The following ELMO1 variants were observed in gnomAD, a reference collection of about 807,000 sequenced individuals.
The protein encoded by ELMO1 is engulfment and cell motility protein 1.
In ELMO1, 26 loss-of-function variants were observed where a neutral mutation model predicts 98.9. The observed-to-expected ratio is 0.26, with a 90% confidence interval of 0.19 to 0.36. ELMO1 has a LOEUF of 0.36. Among genes scored for constraint, ELMO1 ranks in the 10% least tolerant of loss-of-function variants. ELMO1 has a pLI of 1.00. For missense variants in ELMO1, 627 were observed against 935.2 expected (o/e 0.67, Z 4.30); for synonymous variants, 346 against 346.0 (o/e 1.00, Z 0.00).
chr7:36,914,686 G>A (rs1007976335), intron 16 of ELMO1, among the ~76,000 whole-genome samples: 1 of 152,006 alleles, frequency 6.6e-6, no homozygotes, highest in East Asian at 1.9e-4. Context: ...GCTAATTTTT[G>A]TATTTTTAGT....
chr7:37,412,110 A>G (rs1647801), intron 1 of ELMO1, among the ~76,000 whole-genome samples: 36,978 of 152,232 alleles, frequency 0.24, 5,094 homozygotes, highest in Non-Finnish European at 0.32. Context: ...ACACATCATC[A>G]TTCAAACTAT....
chr7:36,896,039 A>C (rs1805971723), intron 16 of ELMO1, among the ~76,000 whole-genome samples: 1 of 152,212 alleles, frequency 6.6e-6, no homozygotes, highest in African/African-American at 2.4e-5. Context: ...GGATATCAGG[A>C]TTGTAAACAC....
chr7:37,310,391 T>G (rs1049695795), intron 4 of ELMO1, among the ~76,000 whole-genome samples: 2 of 152,080 alleles, frequency 1.3e-5, no homozygotes, highest in African/African-American at 4.8e-5. Flanking sequence ...CATACATGCT[T>G]AGGATTAGGG....
At chr7:36,985,060 A>G in intron 16 of ELMO1, 1 of 985,302 alleles carries the variant, frequency 1.0e-6, no homozygotes, top group Non-Finnish European at 1.2e-6. Flanking sequence ...CTGCCCCTCC[A>G]TTGCCTGTTT....
intron 6 of ELMO1, among the ~76,000 whole-genome samples, chr7:37,247,895 A>ATGTGTGTGTGAGTGTGTGTG (rs142333290): frequency 3.8e-4 from 55 of 146,644 alleles, no homozygotes; most frequent in African/African-American, 1.3e-3. Context: ...TTGAAATAAA[A>ATGTGTGTGTGAGTGTGTGTG]TGTGTGTGTG....
chr7:37,175,406 CAG>C (rs565437055), intron 13 of ELMO1, among the ~76,000 whole-genome samples: 231 of 152,328 alleles, frequency 1.5e-3, no homozygotes, highest in African/African-American at 5.1e-3. Context: ...TGTCAGGCTG[CAG>C]AGTCAGTCCT....
At chr7:37,163,747 T>C (rs999615022) in intron 13 of ELMO1, among the ~76,000 whole-genome samples, 1 of 152,228 alleles carries the variant, frequency 6.6e-6, no homozygotes, top group African/African-American at 2.4e-5. Context: ...TTGTTGGACA[T>C]TTGGGTTGGT....
intron 1 of ELMO1, among the ~76,000 whole-genome samples, chr7:37,412,654 G>A (rs978128707): frequency 1.3e-5 from 2 of 151,984 alleles, no homozygotes; most frequent in African/African-American, 2.4e-5. Context: ...CCCCTTAAAA[G>A]GTGAACCCTC....
chr7:36,911,332 T>C (rs1337804000), intron 16 of ELMO1, among the ~76,000 whole-genome samples: 1 of 151,798 alleles, frequency 6.6e-6, no homozygotes, highest in African/African-American at 2.4e-5. Flanking sequence ...CATGACACAG[T>C]AGGTGAATGA....
intron 1 of ELMO1, chr7:37,343,131 T>C (rs1394131505): frequency 6.2e-6 from 1 of 160,038 alleles, no homozygotes; most frequent in Non-Finnish European, 1.4e-5. Flanking sequence ...TATAAACGTC[T>C]GGCACTCAAC....
chr7:37,040,463 A>G (rs2129194325), intron 15 of ELMO1, among the ~76,000 whole-genome samples: 1 of 152,294 alleles, frequency 6.6e-6, no homozygotes, highest in East Asian at 1.9e-4. Context: ...ACATTAACTG[A>G]TACAGGAATG....
intron 13 of ELMO1, among the ~76,000 whole-genome samples, chr7:37,205,467 AC>A (rs1481887903): frequency 6.6e-6 from 1 of 152,236 alleles, no homozygotes; most frequent in Admixed American, 6.5e-5. Context: ...ACAAAGCTTA[AC>A]AAACCCATAT....
Position 36,855,344 on chromosome 7 carries a change from T to A in ELMO1, c.*207A>T. Reference sequence around the variant, plus strand: ...AGCCATGGGAAGTGACCTGAAGCAGTGGAGCCGAGGAACAGAATCAGGGCG... The same window carrying A: ...AGCCATGGGAAGTGACCTGAAGCAGAGGAGCCGAGGAACAGAATCAGGGCG... On this transcript the variant is annotated 3_prime_UTR_variant, in exon 22 of 22. Transcript: ENST00000310758. The surrounding 1 kb of genome is among the most constrained non-coding windows in gnomAD (Gnocchi z 4.2). 1.6e-6 allele frequency: 1 copy of A among 608,188 alleles called. No individual in the cohort carries two copies. The highest frequency in any genetic ancestry group is 2.9e-6 in the Non-Finnish European group (1 of 347,698). 37.7% of individuals were successfully genotyped at this position (608,188 alleles called of 1,614,324 possible). A position where few individuals can be genotyped will look rare whatever the true frequency, so the allele number is the denominator to read the frequency against.
At chr7:36,959,983 A>G (rs1788805293) in intron 16 of ELMO1, among the ~76,000 whole-genome samples, 1 of 152,192 alleles carries the variant, frequency 6.6e-6, no homozygotes, top group Admixed American at 6.5e-5. Flanking sequence ...AACTCCCAGG[A>G]AAGACCAGAG....
intron 15 of ELMO1, among the ~76,000 whole-genome samples, chr7:37,059,088 G>C (rs555693790): frequency 5.1e-4 from 77 of 152,122 alleles, no homozygotes; most frequent in Non-Finnish European, 4.3e-4. Flanking sequence ...TTTCATGCTG[G>C]AATATTTTCC....
At chr7:36,976,096 G>A (rs1483887037) in intron 16 of ELMO1, among the ~76,000 whole-genome samples, 1 of 152,142 alleles carries the variant, frequency 6.6e-6, no homozygotes, top group East Asian at 1.9e-4. Flanking sequence ...TGCCACTGTA[G>A]TATGAAGGAA....
intron 16 of ELMO1, among the ~76,000 whole-genome samples, chr7:36,993,770 T>C (rs779202783): frequency 3.9e-5 from 6 of 152,204 alleles, no homozygotes; most frequent in Non-Finnish European, 8.8e-5. Context: ...TCCATGTATA[T>C]ACAATGGAAA....
At chr7:37,148,825 C>A (rs1372040533) in intron 13 of ELMO1, among the ~76,000 whole-genome samples, 2 of 152,156 alleles carry the variant, frequency 1.3e-5, no homozygotes, top group African/African-American at 4.8e-5. Context: ...CCTTTTATGA[C>A]CCCCTTTCTC....
At chr7:37,007,236 G>A (rs1793201841) in intron 16 of ELMO1, among the ~76,000 whole-genome samples, 1 of 152,172 alleles carries the variant, frequency 6.6e-6, no homozygotes, top group Non-Finnish European at 1.5e-5. Flanking sequence ...GAAAAGCTCA[G>A]TGTAGGACAT....
Sources: gnomAD v4.1 joint callset for allele counts (sites outside exome capture counted in the v4.1 genomes callset) on GRCh38, gnomAD v4.1.1 for gene constraint, Gnocchi (gnomAD v3.1) non-coding constraint, MANE v1.5 for transcripts, NCBI Gene and HGNC (gene_info 2026-07-23, HGNC 2026-07-21) for gene names.